The following CHSY3 variants were observed in gnomAD, a reference collection of about 807,000 sequenced individuals.
The protein encoded by CHSY3 is chondroitin sulfate synthase 3, also known as N-acetylgalactosaminyl-proteoglycan 3-beta-glucuronosyltransferase 3.
Under a neutral mutation model 67.2 loss-of-function variants are expected in CHSY3, and 35 were observed. The observed-to-expected ratio is 0.52, with a 90% CI of 0.40 to 0.69. The LOEUF is 0.69. Ranked by LOEUF, CHSY3 falls within the 30% of genes least tolerant of loss-of-function variation. The probability of loss-of-function intolerance (pLI) is 0.00; values close to 1 mark genes in which losing one functional copy is unlikely to be tolerated. For missense variants in CHSY3, 1,069 were observed against 1,138.5 expected, an observed-to-expected ratio of 0.94 and a Z score of 0.88; for synonymous variants, 474 against 434.7, an observed-to-expected ratio of 1.09 and a Z score of -1.12.
chr5:130,183,329 A>G (rs1378783619), intron 2 of CHSY3, among the ~76,000 whole-genome samples: 5 of 152,098 alleles, frequency 3.3e-5, no homozygotes, highest in Admixed American at 6.6e-5. Context: ...GATGTCAAGC[A>G]TGTCTATTTT....
chr5:130,081,863 AAAATGGACT>A (rs1766457415), intron 2 of CHSY3, among the ~76,000 whole-genome samples: 1 of 152,118 alleles, frequency 6.6e-6, no homozygotes, highest in African/African-American at 2.4e-5. Flanking sequence ...TAGCAGTAAG[AAAATGGACT>A]AATACATTCC....
intron 2 of CHSY3, among the ~76,000 whole-genome samples, chr5:129,918,233 GAT>G (rs1760797268): frequency 6.6e-6 from 1 of 152,076 alleles, no homozygotes; most frequent in African/African-American, 2.4e-5. Flanking sequence ...TTCTCATAAA[GAT>G]ATGTTTTCAC....
intron 2 of CHSY3, among the ~76,000 whole-genome samples, chr5:129,919,113 C>CA (rs35333880): frequency 0.023 from 1,679 of 73,390 alleles, 177 homozygotes; most frequent in African/African-American, 0.068. Flanking sequence ...GACTCCGTCT[C>CA]AAAAAAAAAA....
At position 129,905,390 on chromosome 5, in the gene CHSY3, C is replaced by T. The variant is rs1279535909; in HGVS notation, c.561C>T (p.Arg187=). 2 of 1,602,328 alleles carry T rather than the reference C, an allele frequency of 1.2e-6. No homozygotes were observed. Among genetic ancestry groups the T allele is most frequent in the East Asian group, 2.2e-5 (1 of 44,638 alleles). ...VMTAQKYLGS[R]ALAAQRTWAR... is the part of the protein sequence containing the mutation. ...CCGCGCAGAAGTACCTGGGCAGCCG[C>T]GCGCTGGCCGCGCAGCGGACCTGGG... The change falls in exon 1 of 3, where the codon CGC becomes CGT. Residue 187 remains arginine (R), a synonymous_variant. Transcript: ENST00000305031.
chr5:130,135,283 T>TAC (rs1206254302), intron 2 of CHSY3, among the ~76,000 whole-genome samples: 28 of 150,622 alleles, frequency 1.9e-4, no homozygotes, highest in African/African-American at 4.6e-4. Flanking sequence ...TATATATATA[T>TAC]ACACACACAC....
At chr5:130,087,634 A>C (rs530850103) in intron 2 of CHSY3, among the ~76,000 whole-genome samples, 1 of 152,144 alleles carries the variant, frequency 6.6e-6, no homozygotes, top group East Asian at 1.9e-4. Flanking sequence ...CAAAGAGAAT[A>C]AAATACCTAG....
At chr5:129,987,290 T>C (rs1411855330) in intron 2 of CHSY3, among the ~76,000 whole-genome samples, 1 of 152,164 alleles carries the variant, frequency 6.6e-6, no homozygotes, top group African/African-American at 2.4e-5. Context: ...TAGAACTATT[T>C]GGAAAATTAG....
chr5:129,912,065 A>AAAC (rs1010928004), intron 2 of CHSY3, among the ~76,000 whole-genome samples: 1 of 152,146 alleles, frequency 6.6e-6, no homozygotes, highest in Non-Finnish European at 1.5e-5. Flanking sequence ...AGAAACAAAC[A>AAAC]AACAACAACA....
chr5:130,082,889 C>A (rs1766489968), intron 2 of CHSY3, among the ~76,000 whole-genome samples: 1 of 151,534 alleles, frequency 6.6e-6, no homozygotes, highest in Non-Finnish European at 1.5e-5. Flanking sequence ...TATATACACA[C>A]ACACACATAT....
At chr5:129,904,144 C>G (rs1760129766), upstream of CHSY3, among the ~76,000 whole-genome samples, 1 of 145,510 alleles carries the variant, frequency 6.9e-6, no homozygotes, top group Non-Finnish European at 1.5e-5. Flanking sequence ...AGCGGAGGGG[C>G]GGGACGGGAC....
intron 2 of CHSY3, among the ~76,000 whole-genome samples, chr5:129,923,623 G>A (rs244743): frequency 0.48 from 73,225 of 152,026 alleles, 18,479 homozygotes; most frequent in Middle Eastern, 0.59. Context: ...TTTAAGCTAT[G>A]CAGATGTCTG....
At chr5:130,183,464 A>G (rs1338716659) in intron 2 of CHSY3, among the ~76,000 whole-genome samples, 1 of 152,136 alleles carries the variant, frequency 6.6e-6, no homozygotes, top group African/African-American at 2.4e-5. Flanking sequence ...CTCCCCTGGC[A>G]AATAACTTCT....
intron 2 of CHSY3, among the ~76,000 whole-genome samples, chr5:130,057,129 T>C (rs1360411027): frequency 5.3e-5 from 8 of 151,786 alleles, no homozygotes. Context: ...TTTCACCATG[T>C]TAGCCAGGAT....
At chr5:130,033,648 A>G (rs1346248294) in intron 2 of CHSY3, among the ~76,000 whole-genome samples, 3 of 152,152 alleles carry the variant, frequency 2.0e-5, no homozygotes, top group Non-Finnish European at 4.4e-5. Context: ...CAAGAAACAA[A>G]CCCCACTGAT....
chr5:130,128,398 T>C (rs1348912474), intron 2 of CHSY3, among the ~76,000 whole-genome samples: 3 of 151,894 alleles, frequency 2.0e-5, no homozygotes, highest in Non-Finnish European at 4.4e-5. Context: ...TGGAGGACAT[T>C]ATGCTAAGTG....
At chr5:130,022,415 C>A (rs1278768402) in intron 2 of CHSY3, among the ~76,000 whole-genome samples, 2 of 151,910 alleles carry the variant, frequency 1.3e-5, no homozygotes, top group African/African-American at 4.8e-5. Context: ...GCTGTTAATA[C>A]CACCACTAAT....
rs1051043431 is a variant in CHSY3, at chr5:130,061,504, T to G, written c.1087-122725T>G. On this transcript the variant is annotated intron_variant, in intron 2 of 2. Transcript: ENST00000305031. ...TTCGACATTGGCCTAGGCAAAGAAT[T>G]TATGATGAAGACCCTAAAAGCAAAT... 5.1e-4 allele frequency among the ~76,000 whole-genome samples: 78 copies of G among 152,066 alleles called. 1 individual carries two copies. Among genetic ancestry groups the G allele is most frequent in the Non-Finnish European group, 1.5e-5 (1 of 68,004 alleles).
At chr5:130,111,627 A>G (rs918542816) in intron 2 of CHSY3, among the ~76,000 whole-genome samples, 4 of 152,108 alleles carry the variant, frequency 2.6e-5, no homozygotes, top group African/African-American at 9.6e-5. Flanking sequence ...ATAATTGCCT[A>G]GAGTGTATTT....
In CHSY3 at chr5:130,184,399, C is replaced by T. The variant is rs758081424; in HGVS notation, c.1257C>T (p.Tyr419=). The change falls in exon 3 of 3, where the codon TAC becomes TAT. Residue 419 remains tyrosine, a synonymous_variant. Transcript: ENST00000305031. ...GCCGCAAAATTTCTGAACTTCGCTA[C>T]CGCACCATCCAGCTCCACAGGGAAA... ...MLSRKISELR[Y]RTIQLHRESA... is the part of the protein sequence containing the mutation. 30 of 1,613,540 alleles carry T rather than the reference C, an allele frequency of 1.9e-5. No homozygotes were observed. The highest frequency in any genetic ancestry group is 2.5e-5 in the Non-Finnish European group (29 of 1,179,584).
Sources: allele counts gnomAD v4.1 joint callset (sites outside exome capture counted in the v4.1 genomes callset), GRCh38; gene constraint gnomAD v4.1.1; transcripts MANE v1.5; gene names NCBI Gene and HGNC (gene_info 2026-07-23, HGNC 2026-07-21).